Variants in PPFIA3 observed in about 807,000 individuals in gnomAD.
PPFIA3 encodes the protein PPFI scaffold protein A3.
In PPFIA3, 26 loss-of-function variants were observed where a neutral mutation model predicts 145.8. The observed-to-expected ratio is 0.18, with a 90% CI of 0.13 to 0.25. The LOEUF is 0.25. Among genes scored for constraint, PPFIA3 ranks in the 10% least tolerant of loss-of-function variants. PPFIA3 has a pLI of 1.00. For synonymous variants in PPFIA3, 645 were observed against 661.4 expected, an observed-to-expected ratio of 0.98 and a Z score of 0.38; for missense variants, 1,008 against 1,587.8, an observed-to-expected ratio of 0.63 and a Z score of 6.21.
At chr19:49,125,924 ATTTTTTTTGT>A (rs1033509487) in intron 1 of PPFIA3, among the ~76,000 whole-genome samples, 13 of 108,196 alleles carry the variant, frequency 1.2e-4, no homozygotes, top group African/African-American at 4.2e-4. Context: ...CCATACTGGT[ATTTTTTTTGT>A]TTTTTTTTGT....
chr19:49,143,320 G>A (rs1318974304), intron 21 of PPFIA3, among the ~76,000 whole-genome samples: 1 of 152,128 alleles, frequency 6.6e-6, no homozygotes, highest in East Asian at 1.9e-4. Context: ...CGGCATATCA[G>A]CACCTTCTAA....
chr19:49,134,010 C>CCCGCCCCGCT, intron 10 of PPFIA3, 24 bp from the exon 11 acceptor site: 1 of 1,607,254 alleles, frequency 6.2e-7, no homozygotes, highest in Non-Finnish European at 8.5e-7. Flanking sequence ...GGCTTAACAA[C>CCCGCCCCGCT]CCGCCCCGCT....
At chr19:49,137,837 G>A (rs1396892017) in intron 15 of PPFIA3, among the ~76,000 whole-genome samples, 1 of 151,958 alleles carries the variant, frequency 6.6e-6, no homozygotes, top group Admixed American at 6.6e-5. Flanking sequence ...ATTGGCCTGA[G>A]TCCCTGATCT....
intron 1 of PPFIA3, among the ~76,000 whole-genome samples, chr19:49,123,149 C>G (rs1188078543): frequency 6.6e-6 from 1 of 152,082 alleles, no homozygotes; most frequent in African/African-American, 2.4e-5. Flanking sequence ...CTGCCTCAGC[C>G]TCCCAAATAG....
chr19:49,141,524 G>A lies in PPFIA3; in HGVS notation c.2462+11G>A. On this transcript the variant is annotated intron_variant, in intron 19 of 29. Coordinates refer to ENST00000334186, the MANE Select transcript of PPFIA3 (RefSeq NM_003660.4). ...AAGGAACAAGAGGAAGTGAGTGTGT[G>A]TGAGTGTGAGCGTGTGTGTGTGTAT... 2 of 1,607,518 alleles carry A rather than the reference G, an allele frequency of 1.2e-6. No homozygotes were observed. Among genetic ancestry groups the A allele is most frequent in the Non-Finnish European group, 1.7e-6 (2 of 1,174,220 alleles).
rs1568441571 is a variant in PPFIA3 at position 49,145,969 on chromosome 19, C to G, written c.2772C>G (p.His924Gln). 1.2e-6 allele frequency: 2 copies of G among 1,613,980 alleles called. No homozygotes were observed. The highest frequency in any genetic ancestry group is 1.7e-6 in the Non-Finnish European group (2 of 1,179,968). ...CCACAGGAAACGTGTGGATGACACACGAGGAGATGGAGTCCCTTACGGCCA... is the reference window on the plus strand; with the variant it reads ...CCACAGGAAACGTGTGGATGACACAGGAGGAGATGGAGTCCCTTACGGCCA... Reference protein sequence around the residue: ...RTSTGNVWMTHEEMESLTATT... With the variant: ...RTSTGNVWMTQEEMESLTATT... Residue 924 changes from histidine (H) to glutamine (Q), a missense_variant, in exon 22 of 30, where the codon CAC becomes CAG. Physicochemically the swap from His to Gln is conservative, Grantham distance 24. Coordinates refer to ENST00000334186, the MANE Select transcript of PPFIA3 (RefSeq NM_003660.4).
In PPFIA3 at chr19:49,128,605, T is replaced by A; in HGVS notation, c.342+137T>A. On this transcript the variant is annotated intron_variant, in intron 3 of 29. Transcript: ENST00000334186. The surrounding 1 kb of genome is among the most constrained non-coding windows in gnomAD (Gnocchi z 4.1). Reference sequence around the variant, plus strand: ...CTTTCTGTCTTCTCCTCTTCCCTGCTCCCACTTCCTGGCTGGTCTCCCACT... The same window carrying A: ...CTTTCTGTCTTCTCCTCTTCCCTGCACCCACTTCCTGGCTGGTCTCCCACT... 1.2e-6 allele frequency: 1 copy of A among 845,462 alleles called. No homozygotes were observed. The highest frequency in any genetic ancestry group is 1.7e-5 in the African/African-American group (1 of 59,442). 52.4% of individuals were successfully genotyped at this position (845,462 alleles called of 1,614,324 possible).
chr19:49,125,788 A>T (rs560296800), intron 1 of PPFIA3, among the ~76,000 whole-genome samples: 1 of 152,138 alleles, frequency 6.6e-6, no homozygotes, highest in South Asian at 2.1e-4. Flanking sequence ...CTGGAGGCGC[A>T]GGCTCCTGGG....
At position 49,149,536 on chromosome 19, in the gene PPFIA3, C is replaced by T. The variant is rs1045821552; in HGVS notation, c.3355-11C>T. 1.9e-6 allele frequency: 3 copies of T among 1,614,052 alleles called. No homozygotes were observed. The highest frequency in any genetic ancestry group is 2.2e-5 in the East Asian group (1 of 44,878). ...GGAGTCCCTCACCGGCTGTCCGGCT[C>T]CTATACCTAGGACAGCGCCAAGTCT... On this transcript the variant is annotated splice_polypyrimidine_tract_variant and intron_variant, in intron 27 of 29. Transcript: ENST00000334186. This position sits in a 1 kb window ranked among gnomAD's most constrained non-coding sequence, Gnocchi z 5.7.
rs780857905 is a variant in PPFIA3 at position 49,149,758 on chromosome 19, C to T, written c.3526+40C>T. The T allele has an allele frequency of 2.5e-6, 4 of 1,569,284 alleles. No individual in the cohort carries two copies. In the East Asian group the frequency reaches 8.9e-5, roughly 35 times the overall value. Reference sequence around the variant, plus strand: ...AATGCGACAGCCCTTCCTCGCTTCCCTAGGGTGGGGCATGGACCACCTCAG... The same window carrying T: ...AATGCGACAGCCCTTCCTCGCTTCCTTAGGGTGGGGCATGGACCACCTCAG... On this transcript the variant is annotated intron_variant, in intron 28 of 29. Transcript: ENST00000334186. The surrounding 1 kb of genome is among the most constrained non-coding windows in gnomAD (Gnocchi z 5.7).
intron 16 of PPFIA3, among the ~76,000 whole-genome samples, chr19:49,139,294 C>T (rs2041180336): frequency 6.7e-6 from 1 of 150,350 alleles, no homozygotes; most frequent in Admixed American, 6.6e-5. Context: ...CACTGCACTC[C>T]AGCCTGGCGA....
intron 1 of PPFIA3, among the ~76,000 whole-genome samples, 172 bp downstream of exon 1, chr19:49,119,894 C>A (rs911944083): frequency 6.6e-6 from 1 of 151,892 alleles, no homozygotes; most frequent in African/African-American, 2.4e-5. Flanking sequence ...CGCCCAGAGT[C>A]CCCGACCGAA....
chr19:49,149,242 A>C lies in PPFIA3; in HGVS notation c.3286-15A>C, dbSNP rs751390421. The C allele has an allele frequency of 6.2e-7, 1 of 1,613,880 alleles. No homozygotes were observed. The highest frequency in any genetic ancestry group is 2.2e-5 in the East Asian group (1 of 44,866). ...ACTGCACGCTCCAACCGCCCCCTCC[A>C]CCTCCTCTTTCCAGGCCCGGCAGCT... is the stretch of plus-strand genomic sequence containing the variant. On this transcript the variant is annotated splice_polypyrimidine_tract_variant and intron_variant, in intron 26 of 29. Coordinates refer to ENST00000334186, the MANE Select transcript of PPFIA3 (RefSeq NM_003660.4). The surrounding 1 kb of genome is among the most constrained non-coding windows in gnomAD (Gnocchi z 5.7).
chr19:49,138,025 C>T (rs2041162399), intron 15 of PPFIA3, among the ~76,000 whole-genome samples, 180 bp from the exon 16 acceptor site: 1 of 152,132 alleles, frequency 6.6e-6, no homozygotes, highest in Non-Finnish European at 1.5e-5. Context: ...TCTCAGGACC[C>T]CTTGACTCTC....
In PPFIA3 at chr19:49,141,762, TAA is replaced by T. The variant is rs535693688; in HGVS notation, c.2462+253_2462+254del. On this transcript the variant is annotated intron_variant, in intron 19 of 29. Coordinates refer to ENST00000334186, the MANE Select transcript of PPFIA3 (RefSeq NM_003660.4). ...AGTTTTTATTTTTTCTTTCTTTTTTTAAAAATTTTTTTTGTATTTTTTACATT... is the reference window on the plus strand; with the variant it reads ...AGTTTTTATTTTTTCTTTCTTTTTTTAAATTTTTTTTGTATTTTTTACATT... 8.5e-4 allele frequency among the ~76,000 whole-genome samples: 124 copies of T among 146,640 alleles called. 1 individual carries two copies. Among genetic ancestry groups the T allele is most frequent in the African/African-American group, 2.2e-3 (86 of 39,266 alleles).
At chr19:49,136,229 G>T (rs565442105) in intron 14 of PPFIA3, among the ~76,000 whole-genome samples, 1 of 152,134 alleles carries the variant, frequency 6.6e-6, no homozygotes, top group Non-Finnish European at 1.5e-5. Flanking sequence ...AATCAGGGGC[G>T]GGGGTGGAGT....
At chr19:49,129,876 A>T in intron 5 of PPFIA3, 117 bp from the exon 6 acceptor site, 1 of 1,068,944 alleles carries the variant, frequency 9.4e-7, no homozygotes, top group Admixed American at 2.2e-5. Context: ...TGGCCCCAGC[A>T]CGACCGGAGG....
In PPFIA3 at chr19:49,128,038, A is replaced by C; in HGVS notation, c.165A>C (p.Thr55=). The part of the protein sequence containing the change: ...TLREAQDGLA[T]AQLRLRELGH... Reference sequence around the variant, plus strand: ...GCGAGGCACAGGACGGGTTGGCTACAGCGCAGCTGCGGCTGCGCGAGCTCG... The same window carrying C: ...GCGAGGCACAGGACGGGTTGGCTACCGCGCAGCTGCGGCTGCGCGAGCTCG... Residue 55 remains threonine (T), a synonymous_variant, in exon 2 of 30, where the codon ACA becomes ACC. Transcript: ENST00000334186. This position sits in a 1 kb window ranked among gnomAD's most constrained non-coding sequence, Gnocchi z 4.1. The C allele has an allele frequency of 1.3e-6, 2 of 1,595,970 alleles. No individual in the cohort carries two copies. Among genetic ancestry groups the C allele is most frequent in the Non-Finnish European group, 1.7e-6 (2 of 1,178,704 alleles).
At chr19:49,136,053 A>G in intron 14 of PPFIA3, 130 bp downstream of exon 14, 1 of 1,103,046 alleles carries the variant, frequency 9.1e-7, no homozygotes, top group East Asian at 3.1e-5. Context: ...TCATCCACTC[A>G]CCCTTTCTTC....
Sources: gnomAD v4.1 joint callset for allele counts (sites outside exome capture counted in the v4.1 genomes callset) on GRCh38, gnomAD v4.1.1 for gene constraint, Gnocchi (gnomAD v3.1) non-coding constraint, MANE v1.5 for transcripts, NCBI Gene and HGNC (gene_info 2026-07-23, HGNC 2026-07-21) for gene names.